ATP11A: variants seen among roughly 807,000 people sequenced by gnomAD.
ATP11A encodes ATPase phospholipid transporting 11A.
ATP11A carries 81 observed loss-of-function variants against 154.4 expected under a neutral mutation model. The ratio of observed to expected loss-of-function variants is 0.52; its 90% confidence interval spans 0.44 to 0.63. The LOEUF (loss-of-function observed/expected upper bound fraction) is 0.63. Among genes scored for constraint, ATP11A ranks in the 30% least tolerant of loss-of-function variants. The probability of loss-of-function intolerance (pLI) is 0.00; values close to 1 mark genes in which losing one functional copy is unlikely to be tolerated. For missense variants in ATP11A, 1,316 were observed against 1,474.3 expected (o/e 0.89, Z 1.76); for synonymous variants, 623 against 585.9 (o/e 1.06, Z -0.91).
chr13:112,849,739 G>A (rs965010640), intron 17 of ATP11A, among the ~76,000 whole-genome samples: 2 of 152,254 alleles, frequency 1.3e-5, no homozygotes, highest in African/African-American at 4.8e-5. Flanking sequence ...CAGTGGTGAA[G>A]TCAGACACAG....
chr13:112,864,250 C>T (rs61961584), intron 25 of ATP11A, among the ~76,000 whole-genome samples: 2,474 of 52,712 alleles, frequency 0.047, 72 homozygotes, highest in African/African-American at 0.089. Flanking sequence ...ATGCAGCTTC[C>T]CAGCGGGGTC....
intron 1 of ATP11A, among the ~76,000 whole-genome samples, chr13:112,739,168 T>C (rs1891288286): frequency 6.6e-6 from 1 of 152,162 alleles, no homozygotes; most frequent in South Asian, 2.1e-4. Context: ...AGGACACCAT[T>C]ACGAAAGTGA....
At position 112,705,467 on chromosome 13, in the gene ATP11A, C is replaced by G. The variant is rs538609873; in HGVS notation, c.39+15012C>G. 8.8e-5 allele frequency among the ~76,000 whole-genome samples: 13 copies of G among 148,302 alleles called. No homozygotes were observed. In the South Asian group the frequency reaches 2.7e-3, roughly 31 times the overall value. On this transcript the variant is annotated intron_variant, in intron 1 of 29. Transcript: ENST00000375645. The stretch of plus-strand genomic sequence containing the variant: ...TGTGGGGAGCAAGAGGTACAGGCGC[C>G]CCAGCTCTCCTGGAGACTGGGCAAG...
chr13:112,877,831 G>A (rs1199399962), intron 28 of ATP11A, among the ~76,000 whole-genome samples: 2 of 152,186 alleles, frequency 1.3e-5, no homozygotes, highest in Non-Finnish European at 2.9e-5. Context: ...CCTCTGCTCT[G>A]CAACTCATCT....
intron 16 of ATP11A, among the ~76,000 whole-genome samples, chr13:112,840,748 G>T (rs2079390024): frequency 6.6e-6 from 1 of 151,968 alleles, no homozygotes; most frequent in Admixed American, 6.6e-5. Context: ...AGGAGTTAGT[G>T]CTTCCTGGCA....
chr13:112,869,934 A>C (rs2080458661), intron 25 of ATP11A, among the ~76,000 whole-genome samples: 1 of 152,162 alleles, frequency 6.6e-6, no homozygotes, highest in African/African-American at 2.4e-5. Context: ...CCAGATGTAC[A>C]TCCTCGTGGG....
At chr13:112,789,009 G>A (rs2077747912) in intron 2 of ATP11A, among the ~76,000 whole-genome samples, 1 of 151,600 alleles carries the variant, frequency 6.6e-6, no homozygotes, top group African/African-American at 2.4e-5. Flanking sequence ...TTCACATTGA[G>A]CATCCTGACA....
Position 112,744,654 on chromosome 13 carries a change from G to C in ATP11A, c.40-40481G>C, listed in dbSNP as rs557718755. Among the ~76,000 whole-genome samples, 35 of 152,332 alleles carry C rather than the reference G, an allele frequency of 2.3e-4. 1 individual carries two copies. The South Asian group carries it at 7.3e-3, about 32-fold the overall frequency. ...TGCAGTCAGCTCTCGGCTCGGTGCT[G>C]TGGAGGTGTTTTGCTTTTGCCAGGA... On this transcript the variant is annotated intron_variant, in intron 1 of 29. Coordinates refer to ENST00000375645, the MANE Select transcript of ATP11A (RefSeq NM_015205.3).
intron 1 of ATP11A, among the ~76,000 whole-genome samples, chr13:112,708,006 A>G (rs968699751): frequency 2.0e-5 from 3 of 152,242 alleles, no homozygotes; most frequent in Non-Finnish European, 4.4e-5. Context: ...GTCAACAGGA[A>G]GGGCCCAATT....
chr13:112,715,127 C>T (rs1262208814), intron 1 of ATP11A, among the ~76,000 whole-genome samples: 1 of 152,180 alleles, frequency 6.6e-6, no homozygotes, highest in East Asian at 1.9e-4. Context: ...GGATATACCA[C>T]GTTTTGCTCA....
rs77124014 is a variant in ATP11A, at chr13:112,880,506, G to A, written c.*10-1370G>A. ...AGGCCCGAGCACTCCTGGTGGCCCC[G>A]TGTGGCCCACGTCGCTCAGTATCTT... On this transcript the variant is annotated intron_variant, in intron 29 of 29. Coordinates refer to ENST00000375645, the MANE Select transcript of ATP11A (RefSeq NM_015205.3). 1.5e-4 allele frequency: 195 copies of A among 1,281,558 alleles called. No individual in the cohort carries two copies. The East Asian group carries it at 8.3e-3, about 55-fold the overall frequency. The allele number at this position is 1,281,558 out of a possible 1,614,324, so 79.4% of individuals were successfully genotyped here. A position where few individuals can be genotyped will look rare whatever the true frequency, so the allele number is the denominator to read the frequency against.
chr13:112,825,382 A>G, intron 10 of ATP11A, 48 bp from the exon 11 acceptor site: 1 of 1,546,562 alleles, frequency 6.5e-7, no homozygotes, highest in Non-Finnish European at 8.7e-7. Context: ...GGAAGTGCAG[A>G]GCTCATTTCC....
At chr13:112,699,647 C>T (rs1886280196) in intron 1 of ATP11A, among the ~76,000 whole-genome samples, 1 of 152,220 alleles carries the variant, frequency 6.6e-6, no homozygotes, top group East Asian at 1.9e-4. Flanking sequence ...GTTACTTCTG[C>T]TGAGTTGGAA....
chr13:112,759,115 C>T (rs928694566), intron 1 of ATP11A, among the ~76,000 whole-genome samples: 3 of 152,200 alleles, frequency 2.0e-5, no homozygotes, highest in Non-Finnish European at 4.4e-5. Context: ...TCCCCTGTCC[C>T]CTCTTATCCT....
In ATP11A at chr13:112,785,012, C is replaced by T. The variant is rs1224374520; in HGVS notation, c.40-123C>T. 12 of 1,253,580 alleles carry T rather than the reference C, an allele frequency of 9.6e-6. No homozygotes were observed. Among genetic ancestry groups the T allele is most frequent in the Admixed American group, 9.2e-5 (3 of 32,434 alleles). 77.7% of individuals were successfully genotyped at this position (1,253,580 alleles called of 1,614,324 possible). A position where few individuals can be genotyped will look rare whatever the true frequency, so the allele number is the denominator to read the frequency against. On this transcript the variant is annotated intron_variant, in intron 1 of 29. Coordinates refer to ENST00000375645, the MANE Select transcript of ATP11A (RefSeq NM_015205.3). This position sits in a 1 kb window ranked among gnomAD's most constrained non-coding sequence, Gnocchi z 4.8. ...CCCCAGGTCTCCCTGCAGCCCTGAA[C>T]GATGCTCTCAGCAGCAGGTACAGGT... is the stretch of plus-strand genomic sequence containing the variant.
intron 8 of ATP11A, among the ~76,000 whole-genome samples, chr13:112,822,184 C>CCATT (rs1226652424): frequency 1.3e-5 from 2 of 152,216 alleles, no homozygotes; most frequent in African/African-American, 4.8e-5. Context: ...CTGAAGCAAT[C>CCATT]CTCTGAATGT....
intron 12 of ATP11A, among the ~76,000 whole-genome samples, chr13:112,830,785 G>A (rs151169535): frequency 1.9e-3 from 285 of 152,232 alleles, no homozygotes; most frequent in African/African-American, 6.5e-3. Flanking sequence ...CACGATAAAC[G>A]TGTGACCCAT....
rs951951413 is a variant in ATP11A at position 112,867,814 on chromosome 13, G to C, written c.2992-3921G>C. 1.1e-4 allele frequency among the ~76,000 whole-genome samples: 16 copies of C among 152,328 alleles called. No individual in the cohort carries two copies. In the East Asian group the frequency reaches 2.5e-3, roughly 24 times the overall value. On this transcript the variant is annotated intron_variant, in intron 25 of 29. Transcript: ENST00000375645. ...AGTCCTAGTGGCTGACAGCCCTCTT[G>C]GTCCTTACGTAGCAATTTGGGGTTG...
At chr13:112,708,612 G>C (rs562846398) in intron 1 of ATP11A, among the ~76,000 whole-genome samples, 1 of 152,300 alleles carries the variant, frequency 6.6e-6, no homozygotes, top group South Asian at 2.1e-4. Context: ...AAAATGGGTT[G>C]ATATTGATTT....
Sources: allele counts gnomAD v4.1 joint callset (sites outside exome capture counted in the v4.1 genomes callset), GRCh38; gene constraint gnomAD v4.1.1; non-coding constraint Gnocchi (gnomAD v3.1); transcripts MANE v1.5; gene names NCBI Gene and HGNC (gene_info 2026-07-23, HGNC 2026-07-21).